Variants in COG5 observed in about 807,000 individuals in gnomAD.
COG5 encodes conserved oligomeric Golgi complex subunit 5.
Under a neutral mutation model 110.4 loss-of-function variants are expected in COG5, and 86 were observed. The observed-to-expected ratio is 0.78, with a 90% confidence interval of 0.65 to 0.93. The LOEUF is 0.93. Among genes scored for constraint, COG5 ranks in the 40% least tolerant of loss-of-function variants. The pLI is 0.00. For synonymous variants in COG5, 360 were observed against 334.6 expected, an observed-to-expected ratio of 1.08 and a Z score of -0.83; for missense variants, 1,077 against 987.0, an observed-to-expected ratio of 1.09 and a Z score of -1.22.
In COG5 at chr7:107,209,821, C is replaced by T. The variant is rs1799034131; in HGVS notation, c.2375+705G>A. On this transcript the variant is annotated intron_variant, in intron 21 of 21. Coordinates refer to ENST00000297135, the MANE Select transcript of COG5 (RefSeq NM_006348.5). ...TGCTGAGTCCCAGTTTATGAGTTTA[C>T]AGAAGGAAATGGCGGTCAACTGTAG... 3.0e-6 allele frequency: 3 copies of T among 985,420 alleles called. No individual in the cohort carries two copies. The South Asian group carries it at 1.4e-4, about 46-fold the overall frequency. 61.0% of individuals were successfully genotyped at this position (985,420 alleles called of 1,614,324 possible).
chr7:107,263,732 G>C (rs1389199147), intron 14 of COG5, among the ~76,000 whole-genome samples: 4 of 152,110 alleles, frequency 2.6e-5, no homozygotes, highest in African/African-American at 7.2e-5. Flanking sequence ...TTCTAATTCT[G>C]TACATCTGCT....
At chr7:107,366,446 G>C (rs1813623420) in intron 8 of COG5, among the ~76,000 whole-genome samples, 1 of 151,428 alleles carries the variant, frequency 6.6e-6, no homozygotes. Context: ...AAATGGAACA[G>C]GAAAACATTC....
At chr7:107,296,845 A>G (rs1486872539) in intron 12 of COG5, among the ~76,000 whole-genome samples, 1 of 152,218 alleles carries the variant, frequency 6.6e-6, no homozygotes, top group Non-Finnish European at 1.5e-5. Flanking sequence ...CCATGAGTCT[A>G]TCCAACATTT....
chr7:107,430,014 G>A (rs1367410269), intron 6 of COG5, among the ~76,000 whole-genome samples: 1 of 152,154 alleles, frequency 6.6e-6, no homozygotes, highest in African/African-American at 2.4e-5. Context: ...AGCACCCTGT[G>A]TCAGATACAT....
intron 17 of COG5, among the ~76,000 whole-genome samples, chr7:107,246,462 G>A (rs954558060): frequency 2.0e-5 from 3 of 152,110 alleles, no homozygotes; most frequent in Admixed American, 2.0e-4. Context: ...TGCAAACTAT[G>A]CATCTGACAA....
chr7:107,284,285 T>C (rs531441483), intron 12 of COG5, among the ~76,000 whole-genome samples: 23 of 152,316 alleles, frequency 1.5e-4, no homozygotes, highest in Admixed American at 5.2e-4. Context: ...TATGCACCAA[T>C]ACCTACTGTA....
intron 21 of COG5, chr7:107,208,301 T>A (rs1798917432): frequency 1.0e-6 from 1 of 985,318 alleles, no homozygotes. Flanking sequence ...TTTCAGTTGC[T>A]AAATATAGGC....
In COG5 at chr7:107,231,108, A is replaced by G. The variant is rs189392067; in HGVS notation, c.2092-417T>C. 2.1e-3 allele frequency among the ~76,000 whole-genome samples: 325 copies of G among 152,230 alleles called. 2 individuals carry two copies. Among genetic ancestry groups the G allele is most frequent in the African/African-American group, 7.4e-3 (307 of 41,554 alleles). On this transcript the variant is annotated intron_variant, in intron 18 of 21. Coordinates refer to ENST00000297135, the MANE Select transcript of COG5 (RefSeq NM_006348.5). ...AAGTAATTAAAAGGACTAACTCTGG[A>G]GCTTTTAGTAGCACATCTATATCAG...
chr7:107,385,174 A>G (rs1790096110), intron 7 of COG5, among the ~76,000 whole-genome samples: 1 of 152,204 alleles, frequency 6.6e-6, no homozygotes, highest in Admixed American at 6.5e-5. Flanking sequence ...GGAATGATAC[A>G]ATTACAAAGC....
chr7:107,455,597 C>T (rs1236429325), intron 6 of COG5, among the ~76,000 whole-genome samples: 1 of 152,124 alleles, frequency 6.6e-6, no homozygotes, highest in Non-Finnish European at 1.5e-5. Flanking sequence ...TATTTATTAT[C>T]TGGCCTTTTG....
In COG5 at chr7:107,476,183, T is replaced by TAA. The variant is rs1563056700; in HGVS notation, c.538+51053_538+51054insTT. 1.2e-3 allele frequency among the ~76,000 whole-genome samples: 106 copies of TAA among 86,464 alleles called. 2 individuals carry two copies. The highest frequency in any genetic ancestry group is 5.2e-3 in the African/African-American group (90 of 17,206). The allele number at this position is 86,464 out of a possible 152,430, so 56.7% of individuals were successfully genotyped here. ...TCTGGATTAATATAGTGCAATGATT[T>TAA]TAAAAAAAAAAAAAAAAAAAAAAAG... is the stretch of plus-strand genomic sequence containing the variant. On this transcript the variant is annotated intron_variant, in intron 6 of 21. Coordinates refer to ENST00000297135, the MANE Select transcript of COG5 (RefSeq NM_006348.5).
intron 18 of COG5, among the ~76,000 whole-genome samples, chr7:107,233,502 G>C (rs1047654527): frequency 6.6e-6 from 1 of 152,204 alleles, no homozygotes; most frequent in Non-Finnish European, 1.5e-5. Flanking sequence ...GTGAGGAGAA[G>C]TTAGGATTCT....
At chr7:107,334,482 G>C (rs938452046) in intron 10 of COG5, among the ~76,000 whole-genome samples, 12 of 151,756 alleles carry the variant, frequency 7.9e-5, no homozygotes, top group African/African-American at 2.9e-4. Flanking sequence ...CTACCCCAAG[G>C]CATATAATAA....
Position 107,412,565 on chromosome 7 carries a change from T to A in COG5, c.606A>T (p.Ala202=), listed in dbSNP as rs1792385149. ...EVIENDLLFI[A]RARLEVENQA... The stretch of plus-strand genomic sequence containing the variant: ...GATTTTCCACTTCAAGTCGGGCTCT[T>A]GCAATAAAAAGTAGATCATTTTCTA... Residue 202 remains alanine, a synonymous_variant, in exon 7 of 22, where the codon GCA becomes GCT. Coordinates refer to ENST00000297135, the MANE Select transcript of COG5 (RefSeq NM_006348.5). 1.2e-6 allele frequency: 2 copies of A among 1,611,440 alleles called. No homozygotes were observed. The highest frequency in any genetic ancestry group is 1.7e-6 in the Non-Finnish European group (2 of 1,178,096).
intron 5 of COG5, among the ~76,000 whole-genome samples, chr7:107,537,652 G>A (rs540521288): frequency 1.3e-5 from 2 of 151,736 alleles, no homozygotes; most frequent in East Asian, 3.9e-4. Flanking sequence ...TGGGTTGATG[G>A]GTGCAGCAAA....
intron 7 of COG5, among the ~76,000 whole-genome samples, chr7:107,400,696 G>C (rs770494667): frequency 1.3e-4 from 20 of 152,078 alleles, no homozygotes; most frequent in Non-Finnish European, 2.6e-4. Context: ...AATACCCTAA[G>C]TCTAAAAGCA....
At chr7:107,345,921 T>C (rs1310609357) in intron 10 of COG5, among the ~76,000 whole-genome samples, 1 of 152,220 alleles carries the variant, frequency 6.6e-6, no homozygotes, top group East Asian at 1.9e-4. Flanking sequence ...CTGGTATTAC[T>C]TTGCTTTGTA....
chr7:107,313,161 G>A (rs1244730475), intron 11 of COG5, among the ~76,000 whole-genome samples: 3 of 152,204 alleles, frequency 2.0e-5, no homozygotes, highest in African/African-American at 7.2e-5. Flanking sequence ...GGACAGCAAA[G>A]CTAGATCAAC....
intron 1 of COG5, among the ~76,000 whole-genome samples, chr7:107,562,974 T>C (rs1035935112): frequency 6.6e-6 from 1 of 152,132 alleles, no homozygotes; most frequent in African/African-American, 2.4e-5. Flanking sequence ...AAAACAAGTA[T>C]ACAAATGATT....
Sources: gnomAD v4.1 joint callset for allele counts (sites outside exome capture counted in the v4.1 genomes callset) on GRCh38, gnomAD v4.1.1 for gene constraint, MANE v1.5 for transcripts, NCBI Gene and HGNC (gene_info 2026-07-23, HGNC 2026-07-21) for gene names.